MLANA: variants seen among roughly 807,000 people sequenced by gnomAD.
MLANA encodes the protein melan-A, also known as melanoma antigen recognized by T-cells 1.
MLANA carries 21 observed loss-of-function variants against 15.7 expected under a neutral mutation model. The ratio of observed to expected loss-of-function variants is 1.33; its 90% confidence interval spans 0.95 to 1.92. The LOEUF (loss-of-function observed/expected upper bound fraction) is 1.92, where lower values mean the gene tolerates loss of function less well. MLANA is among the 40% of genes most tolerant of loss of function. The pLI is 0.00. For missense variants in MLANA, 164 were observed against 143.8 expected (o/e 1.14, Z -0.72); for synonymous variants, 56 against 51.5 (o/e 1.09, Z -0.37).
intron 3 of MLANA, among the ~76,000 whole-genome samples, chr9:5,903,272 C>T (rs960603639): frequency 4.6e-5 from 7 of 152,148 alleles, no homozygotes; most frequent in South Asian, 2.1e-4. Context: ...ATGTTCTGAG[C>T]TTGAGAAGAA....
At chr9:5,892,226 T>G (rs1831699988) in intron 1 of MLANA, among the ~76,000 whole-genome samples, 1 of 152,226 alleles carries the variant, frequency 6.6e-6, no homozygotes, top group African/African-American at 2.4e-5. Context: ...GTTTCTTCTT[T>G]GAACTTAATT....
In MLANA at chr9:5,899,394, T is replaced by TC. The variant is rs954327932; in HGVS notation, c.174+1745dup. On this transcript the variant is annotated intron_variant, in intron 3 of 4. Coordinates refer to ENST00000381477, the MANE Select transcript of MLANA (RefSeq NM_005511.2). Reference sequence around the variant, plus strand: ...CAGTCTCATGTCTCATGTCTCCTGTTCCCCAATGTCTTTCCAGAGCATAAA... The same window carrying TC: ...CAGTCTCATGTCTCATGTCTCCTGTTCCCCCAATGTCTTTCCAGAGCATAAA... 51 of 152,148 alleles carry TC rather than the reference T, an allele frequency of 3.4e-4. 1 individual carries two copies. Among genetic ancestry groups the TC allele is most frequent in the African/African-American group, 1.2e-3 (48 of 41,410 alleles). 9.4% of individuals were successfully genotyped at this position (152,148 alleles called of 1,614,324 possible). A position where few individuals can be genotyped will look rare whatever the true frequency, so the allele number is the denominator to read the frequency against.
intron 3 of MLANA, among the ~76,000 whole-genome samples, chr9:5,902,761 C>G (rs556025142): frequency 6.6e-6 from 1 of 152,070 alleles, no homozygotes; most frequent in South Asian, 2.1e-4. Flanking sequence ...CCTGCCTTGC[C>G]CTCCCAAAGT....
intron 3 of MLANA, among the ~76,000 whole-genome samples, chr9:5,901,563 G>C (rs1034086789): frequency 2.0e-5 from 3 of 151,858 alleles, no homozygotes; most frequent in Non-Finnish European, 4.4e-5. Context: ...CTGTCACCCA[G>C]GCTGGAGTGC....
At chr9:5,897,727 G>A in intron 3 of MLANA, 74 bp downstream of exon 3, 1 of 1,263,986 alleles carries the variant, frequency 7.9e-7, no homozygotes, top group Non-Finnish European at 1.2e-6. Flanking sequence ...CTGAATCTCT[G>A]GAGAGTCAGA....
intron 4 of MLANA, chr9:5,907,259 G>A (rs896767237): frequency 4.1e-6 from 1 of 246,464 alleles, no homozygotes; most frequent in African/African-American, 2.2e-5. Flanking sequence ...GGTCAATAAT[G>A]AGAGCCCTAC....
intron 3 of MLANA, among the ~76,000 whole-genome samples, chr9:5,904,274 A>T (rs1832647727): frequency 6.6e-6 from 1 of 152,198 alleles, no homozygotes; most frequent in Non-Finnish European, 1.5e-5. Flanking sequence ...CTGTCTTTTA[A>T]TTGGTGCATT....
intron 2 of MLANA, among the ~76,000 whole-genome samples, chr9:5,895,703 A>G (rs1182869466): frequency 1.3e-5 from 2 of 152,220 alleles, no homozygotes; most frequent in African/African-American, 4.8e-5. Flanking sequence ...TGGGTAGGCC[A>G]GGGGTGGAGT....
rs1257282563 is a variant in MLANA, at chr9:5,894,848, G to C, written c.77+2297G>C. On this transcript the variant is annotated intron_variant, in intron 2 of 4. Coordinates refer to ENST00000381477, the MANE Select transcript of MLANA (RefSeq NM_005511.2). This position sits in a 1 kb window ranked among gnomAD's most constrained non-coding sequence, Gnocchi z 4.0. ...CAGAGTCCAGTCCCAGCATCACAGA[G>C]CAGAGCATAGAAAGGTAGGTTTGGA... Among the ~76,000 whole-genome samples the C allele has an allele frequency of 3.9e-5, 6 of 152,208 alleles. No homozygotes were observed. The highest frequency in any genetic ancestry group is 3.3e-4 in the Admixed American group (5 of 15,284).
intron 2 of MLANA, among the ~76,000 whole-genome samples, chr9:5,895,383 CT>C (rs547452355): frequency 2.5e-3 from 358 of 143,298 alleles, no homozygotes; most frequent in South Asian, 7.1e-3. Flanking sequence ...GGGCCATCTT[CT>C]TTTTTTTTTT....
At chr9:5,897,700 C>T in intron 3 of MLANA, 47 bp downstream of exon 3, 1 of 1,429,308 alleles carries the variant, frequency 7.0e-7, no homozygotes, top group South Asian at 1.1e-5. Context: ...CCAGGGCCCT[C>T]TTTCCAGTTC....
At chr9:5,896,660 T>C (rs1832042849) in intron 2 of MLANA, among the ~76,000 whole-genome samples, 1 of 152,230 alleles carries the variant, frequency 6.6e-6, no homozygotes, top group Admixed American at 6.5e-5. Context: ...ATTTTGATCA[T>C]GCTGTGATCA....
chr9:5,899,531 G>C (rs561146730), intron 3 of MLANA, among the ~76,000 whole-genome samples: 38 of 152,266 alleles, frequency 2.5e-4, no homozygotes, highest in African/African-American at 7.9e-4. Context: ...TGATGAATCT[G>C]AACAAGACTC....
chr9:5,905,264 C>T (rs1832723696), intron 3 of MLANA, among the ~76,000 whole-genome samples: 1 of 152,102 alleles, frequency 6.6e-6, no homozygotes, highest in African/African-American at 2.4e-5. Context: ...CTGAATGGAC[C>T]CCCTCTTCAC....
chr9:5,904,319 G>A lies in MLANA; in HGVS notation c.175-2566G>A, dbSNP rs138506669. Among the ~76,000 whole-genome samples the A allele has an allele frequency of 3.5e-3, 531 of 152,290 alleles. 4 individuals carry two copies. Among genetic ancestry groups the A allele is most frequent in the Non-Finnish European group, 4.2e-3 (288 of 68,032 alleles). On this transcript the variant is annotated intron_variant, in intron 3 of 4. Coordinates refer to ENST00000381477, the MANE Select transcript of MLANA (RefSeq NM_005511.2). The stretch of plus-strand genomic sequence containing the variant: ...GATATTCAAAGTAGTTATTGATATA[G>A]TTGGATTGATATCTACCATATTGTT...
chr9:5,902,964 C>T (rs960505104), intron 3 of MLANA, among the ~76,000 whole-genome samples: 3 of 152,194 alleles, frequency 2.0e-5, no homozygotes, highest in African/African-American at 7.2e-5. Flanking sequence ...CAATGTCATA[C>T]ATTTCCCTCT....
rs1563822532 is a variant in MLANA at position 5,906,970 on chromosome 9, C to T, written c.260C>T (p.Ser87Phe). Reference sequence around the variant, plus strand: ...TTTGATCATCGGGACAGCAAAGTGTCTCTTCAAGAGAAAAACTGTGAACCT... The same window carrying T: ...TTTGATCATCGGGACAGCAAAGTGTTTCTTCAAGAGAAAAACTGTGAACCT... ...EGFDHRDSKV[S>F]LQEKNCEPVV... The change falls in exon 4 of 5, where the codon TCT becomes TTT. Residue 87 changes from serine (S) to phenylalanine (F), a missense_variant. Ser to Phe is a radical substitution (Grantham distance 155). Coordinates refer to ENST00000381477, the MANE Select transcript of MLANA (RefSeq NM_005511.2). The T allele has an allele frequency of 8.1e-6, 13 of 1,600,100 alleles. No individual in the cohort carries two copies. Among genetic ancestry groups the T allele is most frequent in the South Asian group, 7.9e-5 (7 of 88,636 alleles).
chr9:5,908,588 G>A, intron 4 of MLANA, 52 bp from the exon 5 acceptor site: 1 of 1,465,122 alleles, frequency 6.8e-7, no homozygotes, highest in Non-Finnish European at 9.5e-7. Flanking sequence ...TCCCTTCCTA[G>A]AAACACATAC....
intron 3 of MLANA, among the ~76,000 whole-genome samples, chr9:5,905,262 AC>A (rs1254520191): frequency 6.6e-6 from 1 of 151,906 alleles, no homozygotes; most frequent in Non-Finnish European, 1.5e-5. Flanking sequence ...AACTGAATGG[AC>A]CCCCTCTTCA....
Sources: gnomAD v4.1 joint callset for allele counts (sites outside exome capture counted in the v4.1 genomes callset) on GRCh38, gnomAD v4.1.1 for gene constraint, Gnocchi (gnomAD v3.1) non-coding constraint, MANE v1.5 for transcripts, NCBI Gene and HGNC (gene_info 2026-07-23, HGNC 2026-07-21) for gene names.